The following UPF3A variants were observed in gnomAD, a reference collection of about 807,000 sequenced individuals.
The protein encoded by UPF3A is UPF3A regulator of nonsense mediated mRNA decay, also known as regulator of nonsense transcripts 3A.
In UPF3A, 42 loss-of-function variants were observed where a neutral mutation model predicts 53.5. The observed-to-expected ratio is 0.78, with a 90% CI of 0.61 to 1.01. The LOEUF is 1.01. Ranked by LOEUF, UPF3A falls within the 50% of genes least tolerant of loss-of-function variation. UPF3A has a pLI of 0.00. For synonymous variants in UPF3A, 237 were observed against 225.3 expected (o/e 1.05, Z -0.47); for missense variants, 575 against 598.0 (o/e 0.96, Z 0.40).
intron 3 of UPF3A, chr13:114,283,998 G>A (rs1199480602): frequency 1.0e-6 from 1 of 985,410 alleles, no homozygotes. Context: ...AAGCAAATGT[G>A]ATGCTTGAAC....
intron 8 of UPF3A, among the ~76,000 whole-genome samples, chr13:114,300,174 T>G (rs372123964): frequency 1.3e-5 from 2 of 152,134 alleles, no homozygotes; most frequent in South Asian, 4.1e-4. Context: ...AAGCAGCCAT[T>G]TATTTACTAT....
At chr13:114,301,009 C>G (rs2086559234) in intron 8 of UPF3A, among the ~76,000 whole-genome samples, 1 of 145,894 alleles carries the variant, frequency 6.9e-6, no homozygotes, top group Non-Finnish European at 1.5e-5. Flanking sequence ...GGGGGCTTCA[C>G]CATGTTGACC....
chr13:114,283,478 A>G (rs117278296), intron 3 of UPF3A: 1,745 of 152,504 alleles, frequency 0.011, 99 homozygotes, highest in Admixed American at 0.081. Context: ...GTGACAGCCT[A>G]TTTATGTATT....
intron 5 of UPF3A, among the ~76,000 whole-genome samples, chr13:114,288,562 G>A (rs1179113537): frequency 6.6e-6 from 1 of 152,202 alleles, no homozygotes; most frequent in Non-Finnish European, 1.5e-5. Context: ...GGCACTGCAA[G>A]ACATTTAGAT....
chr13:114,286,283 A>T lies in UPF3A; in HGVS notation c.422-19A>T, dbSNP rs767950506. 1.2e-6 allele frequency: 2 copies of T among 1,610,440 alleles called. No homozygotes were observed. The highest frequency in any genetic ancestry group is 4.5e-5 in the East Asian group (2 of 44,860). On this transcript the variant is annotated intron_variant, in intron 3 of 9. Transcript: ENST00000375299. The stretch of plus-strand genomic sequence containing the variant: ...GTAGAATTTCAGAATGGCTTCTGGA[A>T]CATGTTTCCTGTTAAAAGGCCTAGA...
chr13:114,288,134 C>G (rs1263865942), intron 5 of UPF3A, among the ~76,000 whole-genome samples: 5 of 152,190 alleles, frequency 3.3e-5, no homozygotes, highest in African/African-American at 1.2e-4. Context: ...CTAAAGTAAA[C>G]AAAATATGCT....
At position 114,281,601 on chromosome 13, in the gene UPF3A, G is replaced by A; in HGVS notation, c.-39G>A. 7.2e-7 allele frequency: 1 copy of A among 1,388,058 alleles called. No homozygotes were observed. The highest frequency in any genetic ancestry group is 9.3e-7 in the Non-Finnish European group (1 of 1,074,136). The allele number at this position is 1,388,058 out of a possible 1,614,324, so 86.0% of individuals were successfully genotyped here. A position where few individuals can be genotyped will look rare whatever the true frequency, so the allele number is the denominator to read the frequency against. ...GGCGGCCGAGCTCTCGCGAGGTTTCGTCGGGGGCTGGCGGCTGCGGCTCGG... is the reference window on the plus strand; with the variant it reads ...GGCGGCCGAGCTCTCGCGAGGTTTCATCGGGGGCTGGCGGCTGCGGCTCGG... On this transcript the variant is annotated 5_prime_UTR_variant, in exon 1 of 10. Transcript: ENST00000375299.
chr13:114,302,125 C>T lies in UPF3A; in HGVS notation c.1302+100C>T, dbSNP rs117263304. On this transcript the variant is annotated intron_variant, in intron 9 of 9. Transcript: ENST00000375299. ...CCACTTGGCCTTGTGTCTTGGGGAA[C>T]GCAGTGCTTTGAGCATTTTCAAGAG... The T allele has an allele frequency of 4.5e-3, 5,529 of 1,224,176 alleles. 259 individuals are homozygous for T. The Admixed American group carries it at 0.095, about 21-fold the overall frequency. The allele number at this position is 1,224,176 out of a possible 1,614,324, so 75.8% of individuals were successfully genotyped here.
intron 8 of UPF3A, among the ~76,000 whole-genome samples, chr13:114,301,488 G>GT (rs2086601809): frequency 6.6e-6 from 1 of 151,254 alleles, no homozygotes; most frequent in South Asian, 2.1e-4. Flanking sequence ...AAGTACCTTA[G>GT]TATAAGGCAT....
intron 5 of UPF3A, among the ~76,000 whole-genome samples, chr13:114,290,842 T>G (rs1361853215): frequency 6.6e-6 from 1 of 151,986 alleles, no homozygotes; most frequent in African/African-American, 2.4e-5. Context: ...CAAGTAGTTT[T>G]CCTGCCTCAG....
At chr13:114,295,722 C>T (rs928561034) in intron 7 of UPF3A, among the ~76,000 whole-genome samples, 5 of 152,336 alleles carry the variant, frequency 3.3e-5, no homozygotes, top group South Asian at 4.1e-4. Flanking sequence ...CCTTGACCAC[C>T]GTTGCCTCAG....
chr13:114,297,054 C>T (rs193008861), intron 7 of UPF3A, among the ~76,000 whole-genome samples: 58 of 152,278 alleles, frequency 3.8e-4, no homozygotes, highest in Admixed American at 5.9e-4. Flanking sequence ...TGATGAGAAG[C>T]GGCTTCCAAT....
At position 114,281,620 on chromosome 13, in the gene UPF3A, G is replaced by C. The variant is rs1275566716; in HGVS notation, c.-20G>C. The C allele has an allele frequency of 7.1e-7, 1 of 1,408,890 alleles. No homozygotes were observed. The highest frequency in any genetic ancestry group is 1.5e-5 in the South Asian group (1 of 68,326). The allele number at this position is 1,408,890 out of a possible 1,614,324, so 87.3% of individuals were successfully genotyped here. On this transcript the variant is annotated 5_prime_UTR_variant, in exon 1 of 10. Coordinates refer to ENST00000375299, the MANE Select transcript of UPF3A (RefSeq NM_023011.4). ...GGTTTCGTCGGGGGCTGGCGGCTGC[G>C]GCTCGGCGGAGAGTGCGGCATGCGC... is the stretch of plus-strand genomic sequence containing the variant.
At chr13:114,296,062 A>G (rs2085961890) in intron 7 of UPF3A, among the ~76,000 whole-genome samples, 1 of 152,194 alleles carries the variant, frequency 6.6e-6, no homozygotes, top group African/African-American at 2.4e-5. Context: ...TCACACCTAC[A>G]TAATGAAACC....
chr13:114,283,709 C>A (rs900484587), intron 3 of UPF3A: 2 of 974,546 alleles, frequency 2.1e-6, no homozygotes, highest in Non-Finnish European at 1.2e-6. Context: ...CAGCAGTCTT[C>A]AACTCTACTC....
At chr13:114,296,073 TTAA>T (rs1198343866) in intron 7 of UPF3A, among the ~76,000 whole-genome samples, 1 of 152,028 alleles carries the variant, frequency 6.6e-6, no homozygotes, top group Non-Finnish European at 1.5e-5. Context: ...TAATGAAACC[TTAA>T]TAATGCCTAA....
rs1433280992 is a variant in UPF3A, at chr13:114,281,630, A to G, written c.-10A>G. ...GGGGCTGGCGGCTGCGGCTCGGCGG[A>G]GAGTGCGGCATGCGCTCGGAAAAGG... On this transcript the variant is annotated 5_prime_UTR_variant, in exon 1 of 10. Coordinates refer to ENST00000375299, the MANE Select transcript of UPF3A (RefSeq NM_023011.4). 4 of 1,424,714 alleles carry G rather than the reference A, an allele frequency of 2.8e-6. No homozygotes were observed. Among genetic ancestry groups the G allele is most frequent in the Middle Eastern group, 2.5e-4 (1 of 3,982 alleles). 88.3% of individuals were successfully genotyped at this position (1,424,714 alleles called of 1,614,324 possible).
chr13:114,284,742 C>T (rs1290697998), intron 3 of UPF3A, among the ~76,000 whole-genome samples: 2 of 152,010 alleles, frequency 1.3e-5, no homozygotes, highest in African/African-American at 4.8e-5. Flanking sequence ...CTGTTTTCCA[C>T]AGTGACTGCG....
chr13:114,285,234 C>G (rs1042333007), intron 3 of UPF3A: 2 of 152,230 alleles, frequency 1.3e-5, no homozygotes, highest in Admixed American at 1.3e-4. Context: ...TTTCAAAAAT[C>G]AGTTGACCAA....
Sources: allele counts gnomAD v4.1 joint callset (sites outside exome capture counted in the v4.1 genomes callset), GRCh38; gene constraint gnomAD v4.1.1; transcripts MANE v1.5; gene names NCBI Gene and HGNC (gene_info 2026-07-23, HGNC 2026-07-21).